Variants in LIMCH1 observed in about 807,000 individuals in gnomAD.
LIMCH1 encodes LIM and calponin homology domains-containing protein 1.
In LIMCH1, 113 loss-of-function variants were observed where a neutral mutation model predicts 176.5. The ratio of observed to expected loss-of-function variants is 0.64; its 90% confidence interval spans 0.55 to 0.75. The LOEUF is 0.75. Ranked by LOEUF, LIMCH1 falls within the 30% of genes least tolerant of loss-of-function variation. The pLI, the probability that LIMCH1 is intolerant of heterozygous loss-of-function variation, is 0.00. For missense variants in LIMCH1, 1,674 were observed against 1,814.9 expected, an observed-to-expected ratio of 0.92 and a Z score of 1.41; for synonymous variants, 619 against 645.9, an observed-to-expected ratio of 0.96 and a Z score of 0.63.
chr4:41,665,538 G>A (rs548069546), intron 20 of LIMCH1, among the ~76,000 whole-genome samples: 5 of 152,160 alleles, frequency 3.3e-5, no homozygotes, highest in African/African-American at 1.2e-4. Context: ...AATTTATTCT[G>A]AGGACCAAAT....
upstream of LIMCH1, among the ~76,000 whole-genome samples, chr4:41,537,801 A>G (rs1386136022): frequency 6.6e-6 from 1 of 152,206 alleles, no homozygotes; most frequent in Non-Finnish European, 1.5e-5. Flanking sequence ...TCCCAGAACT[A>G]GAAGCCACTT....
intron 1 of LIMCH1, among the ~76,000 whole-genome samples, chr4:41,489,935 A>T (rs1024488473): frequency 6.6e-6 from 1 of 152,216 alleles, no homozygotes; most frequent in Admixed American, 6.5e-5. Flanking sequence ...TATATTATAT[A>T]CTGTACTCTT....
chr4:41,636,962 A>C (rs536409915), intron 13 of LIMCH1, among the ~76,000 whole-genome samples: 1 of 152,340 alleles, frequency 6.6e-6, no homozygotes, highest in Admixed American at 6.5e-5. Context: ...CTTAAACTTC[A>C]ATAAAATGTT....
At chr4:41,651,205 A>G (rs913147861) in intron 18 of LIMCH1, among the ~76,000 whole-genome samples, 19 of 152,090 alleles carry the variant, frequency 1.2e-4, no homozygotes, top group African/African-American at 4.6e-4. Context: ...AGGTTTCACC[A>G]TGTTGGCCAG....
At chr4:41,484,962 T>G (rs1326192476) in intron 1 of LIMCH1, among the ~76,000 whole-genome samples, 1 of 152,228 alleles carries the variant, frequency 6.6e-6, no homozygotes, top group Non-Finnish European at 1.5e-5. Flanking sequence ...ACGATCAGGC[T>G]GCGAGACTGA....
At chr4:41,412,349 G>C (rs1361390035) in intron 1 of LIMCH1, among the ~76,000 whole-genome samples, 1 of 152,172 alleles carries the variant, frequency 6.6e-6, no homozygotes, top group African/African-American at 2.4e-5. Flanking sequence ...TATGATGGCT[G>C]TTGTTCTAGG....
At chr4:41,388,410 T>A (rs2056774935) in intron 1 of LIMCH1, among the ~76,000 whole-genome samples, 1 of 152,212 alleles carries the variant, frequency 6.6e-6, no homozygotes, top group African/African-American at 2.4e-5. Flanking sequence ...TTATTCCATT[T>A]ATATGTGATG....
chr4:41,485,207 A>G (rs2069304128), intron 1 of LIMCH1, among the ~76,000 whole-genome samples: 1 of 152,244 alleles, frequency 6.6e-6, no homozygotes, highest in Non-Finnish European at 1.5e-5. Flanking sequence ...ACTTAGAAAC[A>G]TAATTACCTT....
chr4:41,613,318 A>C, intron 4 of LIMCH1, 148 bp from the exon 5 acceptor site: 1 of 797,560 alleles, frequency 1.3e-6, no homozygotes. Flanking sequence ...GTGACTTTTC[A>C]AAGATGATTG....
intron 1 of LIMCH1, among the ~76,000 whole-genome samples, chr4:41,441,963 A>G (rs1395075728): frequency 6.6e-6 from 1 of 152,154 alleles, no homozygotes; most frequent in African/African-American, 2.4e-5. Context: ...TCTGTCCCTA[A>G]ACTCTTGGGT....
At chr4:41,401,991 G>A (rs1316292001) in intron 1 of LIMCH1, among the ~76,000 whole-genome samples, 1 of 152,158 alleles carries the variant, frequency 6.6e-6, no homozygotes, top group Non-Finnish European at 1.5e-5. Flanking sequence ...GGGACAATTT[G>A]ACTTCCTGTT....
intron 31 of LIMCH1, among the ~76,000 whole-genome samples, chr4:41,693,867 T>C (rs1728330543): frequency 1.3e-5 from 2 of 152,142 alleles, no homozygotes; most frequent in Non-Finnish European, 2.9e-5. Context: ...GATCTGAGTT[T>C]GTTTAATAAT....
At position 41,441,648 on chromosome 4, in the gene LIMCH1, G is replaced by T. The variant is rs190059990; in HGVS notation, c.97-52888G>T. Among the ~76,000 whole-genome samples, 5 of 152,268 alleles carry T rather than the reference G, an allele frequency of 3.3e-5. No homozygotes were observed. The East Asian group carries it at 9.6e-4, about 29-fold the overall frequency. On this transcript the variant is annotated intron_variant, in intron 1 of 26. Transcript: ENST00000313860. ...TTTAAAAATGCATTTCTAAATGGTG[G>T]GGAGTTGTGATTTCTGAATAGTGCC...
chr4:41,579,121 G>T (rs2152669009), intron 1 of LIMCH1, among the ~76,000 whole-genome samples: 1 of 151,704 alleles, frequency 6.6e-6, no homozygotes, highest in African/African-American at 2.4e-5. Flanking sequence ...ACATATCTTG[G>T]CTTTCTTCTT....
chr4:41,385,102 G>C lies in LIMCH1; in HGVS notation c.96+24166G>C, dbSNP rs550441379. Among the ~76,000 whole-genome samples, 9 of 152,350 alleles carry C rather than the reference G, an allele frequency of 5.9e-5. No individual in the cohort carries two copies. The East Asian group carries it at 1.5e-3, about 26-fold the overall frequency. Reference sequence around the variant, plus strand: ...GTCCTCTTGAAGTTGGGAACATTCAGTTGTACTCTGAACCAGTGGATATTG... The same window carrying C: ...GTCCTCTTGAAGTTGGGAACATTCACTTGTACTCTGAACCAGTGGATATTG... On this transcript the variant is annotated intron_variant, in intron 1 of 26. Coordinates refer to the LIMCH1 transcript ENST00000313860.
At chr4:41,398,002 C>T (rs555112706) in intron 1 of LIMCH1, among the ~76,000 whole-genome samples, 59 of 151,928 alleles carry the variant, frequency 3.9e-4, no homozygotes, top group Non-Finnish European at 4.7e-4. Context: ...TTAGCAACAT[C>T]TGAACTATCA....
At chr4:41,674,074 C>G (rs953422965) in intron 22 of LIMCH1, among the ~76,000 whole-genome samples, 1 of 152,230 alleles carries the variant, frequency 6.6e-6, no homozygotes, top group East Asian at 1.9e-4. Context: ...TTGTTTCATT[C>G]TCTCTTGTTT....
chr4:41,606,789 T>G (rs572290657), intron 4 of LIMCH1, among the ~76,000 whole-genome samples: 5 of 152,132 alleles, frequency 3.3e-5, no homozygotes, highest in Non-Finnish European at 7.4e-5. Flanking sequence ...TGGACCTCCA[T>G]GTACTTTTTT....
chr4:41,419,637 CCTTCCTTTCTT>C (rs2060354658), intron 1 of LIMCH1, among the ~76,000 whole-genome samples: 1 of 75,936 alleles, frequency 1.3e-5, no homozygotes, highest in African/African-American at 8.3e-5. Context: ...CTTCCTTCCT[CCTTCCTTTCTT>C]CCTCCTTCCT....
Sources: gnomAD v4.1 joint callset for allele counts (sites outside exome capture counted in the v4.1 genomes callset) on GRCh38, gnomAD v4.1.1 for gene constraint, MANE v1.5 for transcripts, NCBI Gene and HGNC (gene_info 2026-07-23, HGNC 2026-07-21) for gene names.